Variants in SPATC1L observed in about 807,000 individuals in gnomAD.
The protein encoded by SPATC1L is speriolin-like protein.
A neutral mutation model predicts 21.2 loss-of-function variants in SPATC1L; 20 were observed. That is an observed-to-expected ratio of 0.94 (90% CI 0.66 to 1.37). SPATC1L has a LOEUF of 1.37. SPATC1L is among the 40% of genes most tolerant of loss of function. SPATC1L has a pLI of 0.00. For missense variants in SPATC1L, 499 were observed against 478.7 expected, an observed-to-expected ratio of 1.04 and a Z score of -0.40; for synonymous variants, 290 against 234.5, an observed-to-expected ratio of 1.24 and a Z score of -2.16.
At position 46,161,626 on chromosome 21, in the gene SPATC1L, G is replaced by A. The variant is rs762711708; in HGVS notation, c.776C>T (p.Ala259Val). The change falls in exon 5 of 5, where the codon GCG becomes GTG. Residue 259 changes from alanine to valine, a missense_variant. By Grantham distance (64) the Ala-to-Val change is moderately conservative. Coordinates refer to ENST00000291672, the MANE Select transcript of SPATC1L (RefSeq NM_001142854.2). ...GCTGTAGCCCAGCTTCTCCAGGCGC[G>A]CGCTCAGGGCCAGGTAGCGCTGCGT... The part of the protein sequence containing the change: ...ELTQRYLALS[A>V]RLEKLGYSRD... The A allele has an allele frequency of 1.1e-5, 17 of 1,610,224 alleles. No individual in the cohort carries two copies. In the South Asian group the frequency reaches 1.1e-4, roughly 10 times the overall value.
intron 3 of SPATC1L, among the ~76,000 whole-genome samples, chr21:46,167,910 A>G (rs1262229689): frequency 6.6e-6 from 1 of 152,224 alleles, no homozygotes; most frequent in African/African-American, 2.4e-5. Context: ...CTTAAACTGA[A>G]CATAAAAAGC....
chr21:46,171,479 T>C (rs1345723592), intron 2 of SPATC1L, among the ~76,000 whole-genome samples: 1 of 150,548 alleles, frequency 6.6e-6, no homozygotes, highest in African/African-American at 2.4e-5. Context: ...ATCTTCCCTC[T>C]GAAATGTTTT....
intron 3 of SPATC1L, among the ~76,000 whole-genome samples, chr21:46,168,072 T>C (rs9977392): frequency 0.094 from 14,329 of 152,116 alleles, 1,117 homozygotes; most frequent in African/African-American, 0.22. Flanking sequence ...TCCAGACACA[T>C]AAAGAACTCT....
rs1031142318 is a variant in SPATC1L at position 46,168,403 on chromosome 21, A to C, written c.449T>G (p.Leu150Arg). 1 of 1,612,938 alleles carries C rather than the reference A, an allele frequency of 6.2e-7. No homozygotes were observed. The highest frequency in any genetic ancestry group is 1.3e-5 in the African/African-American group (1 of 74,878). Residue 150 changes from leucine (L) to arginine (R), a missense_variant, in exon 3 of 5, where the codon CTG becomes CGG. Physicochemically the swap from Leu to Arg is moderately radical, Grantham distance 102. Transcript: ENST00000291672. The part of the protein sequence containing the change: ...LQDSLVDKTL[L>R]EPREMVRPKK... ...AGGCCGGACCATCTCCCTGGGCTCCAGCAGGGTCTTGTCCACCAGTGAGTC... is the reference window on the plus strand; with the variant it reads ...AGGCCGGACCATCTCCCTGGGCTCCCGCAGGGTCTTGTCCACCAGTGAGTC...
Position 46,182,988 on chromosome 21 carries a change from G to C in SPATC1L, c.-172C>G, listed in dbSNP as rs2079688171. The C allele has an allele frequency of 1.3e-5, 9 of 701,958 alleles. No homozygotes were observed. Among genetic ancestry groups the C allele is most frequent in the Non-Finnish European group, 1.8e-5 (8 of 452,434 alleles). The allele number at this position is 701,958 out of a possible 1,614,324, so 43.5% of individuals were successfully genotyped here. A position where few individuals can be genotyped will look rare whatever the true frequency, so the allele number is the denominator to read the frequency against. ...TGATGAGGTGCCCAGCACCCTGCCTGCCCCCGCGATGGCTCATGGCCCCGT... is the reference window on the plus strand; with the variant it reads ...TGATGAGGTGCCCAGCACCCTGCCTCCCCCCGCGATGGCTCATGGCCCCGT... On this transcript the variant is annotated 5_prime_UTR_variant, in exon 2 of 5. Transcript: ENST00000291672.
At chr21:46,180,050 C>T (rs1249130288) in intron 2 of SPATC1L, among the ~76,000 whole-genome samples, 1 of 152,110 alleles carries the variant, frequency 6.6e-6, no homozygotes, top group Non-Finnish European at 1.5e-5. Context: ...TGCACACAGC[C>T]TTTGACCCGA....
intron 2 of SPATC1L, among the ~76,000 whole-genome samples, chr21:46,170,762 C>A (rs2079581849): frequency 7.7e-6 from 1 of 129,080 alleles, no homozygotes; most frequent in African/African-American, 3.5e-5. Flanking sequence ...GAGCCTCCTG[C>A]TCTGTGAACA....
intron 2 of SPATC1L, among the ~76,000 whole-genome samples, chr21:46,171,225 T>A (rs76045843): frequency 0.051 from 7,806 of 152,340 alleles, 607 homozygotes; most frequent in African/African-American, 0.17. Context: ...CAAATTTAGC[T>A]TATCTATGCC....
At chr21:46,168,212 G>A (rs1464557672) in intron 3 of SPATC1L, 96 bp downstream of exon 3, 6 of 773,482 alleles carry the variant, frequency 7.8e-6, no homozygotes, top group Non-Finnish European at 1.2e-5. Context: ...GTGACTGGAT[G>A]GAGAAACGGC....
chr21:46,183,162 G>C lies in SPATC1L; in HGVS notation c.-346C>G, dbSNP rs988979251. On this transcript the variant is annotated 5_prime_UTR_variant, in exon 2 of 5. Transcript: ENST00000291672. ...CGTCCAAGCCACTCCCCATTGAGCGGCCCAGCCAGGGTCGGGTGTCCACCC... is the reference window on the plus strand; with the variant it reads ...CGTCCAAGCCACTCCCCATTGAGCGCCCCAGCCAGGGTCGGGTGTCCACCC... 2.3e-5 allele frequency: 7 copies of C among 308,672 alleles called. No individual in the cohort carries two copies. The highest frequency in any genetic ancestry group is 3.6e-5 in the Non-Finnish European group (6 of 166,846). The allele number at this position is 308,672 out of a possible 1,614,324, so 19.1% of individuals were successfully genotyped here.
At chr21:46,184,143 G>A (rs145516731) in intron 1 of SPATC1L, among the ~76,000 whole-genome samples, 37 of 152,268 alleles carry the variant, frequency 2.4e-4, no homozygotes, top group Non-Finnish European at 4.3e-4. Context: ...GACCACGAGC[G>A]CCCGTGTCTA....
rs975072941 is a variant in SPATC1L, at chr21:46,168,659, C to T, written c.194-1G>A. The T allele has an allele frequency of 5.9e-6, 8 of 1,358,700 alleles. No individual in the cohort carries two copies. Among genetic ancestry groups the T allele is most frequent in the Non-Finnish European group, 5.8e-6 (6 of 1,043,194 alleles). The allele number at this position is 1,358,700 out of a possible 1,614,324, so 84.2% of individuals were successfully genotyped here. A position where few individuals can be genotyped will look rare whatever the true frequency, so the allele number is the denominator to read the frequency against. ...CTCGTGAACCTTCCGAAATCTGGAA[C>T]TGAGGCGGGGAGGAAAGGGATGAGA... On this transcript the variant is annotated splice_acceptor_variant, in intron 2 of 4. Coordinates refer to ENST00000291672, the MANE Select transcript of SPATC1L (RefSeq NM_001142854.2). LOFTEE classifies it high-confidence loss of function.
At chr21:46,172,302 G>A (rs377388270) in intron 2 of SPATC1L, among the ~76,000 whole-genome samples, 65 of 152,258 alleles carry the variant, frequency 4.3e-4, no homozygotes, top group African/African-American at 1.2e-3. Flanking sequence ...AGCACGAGGC[G>A]GTGGGGTGGA....
At chr21:46,175,000 A>T (rs2079622393) in intron 2 of SPATC1L, among the ~76,000 whole-genome samples, 1 of 152,250 alleles carries the variant, frequency 6.6e-6, no homozygotes. Context: ...ATCAAGCCTA[A>T]AAAATTCACT....
chr21:46,167,162 C>T (rs11910988), intron 3 of SPATC1L, among the ~76,000 whole-genome samples: 16,376 of 152,164 alleles, frequency 0.11, 1,211 homozygotes, highest in African/African-American at 0.2. Context: ...ACAATACGCT[C>T]CTGGATGGCC....
chr21:46,179,447 T>C (rs2079655843), intron 2 of SPATC1L, among the ~76,000 whole-genome samples: 1 of 152,076 alleles, frequency 6.6e-6, no homozygotes. Context: ...TAAAAATTCT[T>C]AAAACCTTTT....
rs1295835361 is a variant in SPATC1L at position 46,182,742 on chromosome 21, C to T, written c.75G>A (p.Leu25=). ...GCCGCCGCAGCATCTGATTCTCCTT[C>T]AGGAGGCGCACCTGCTTCTTCAGGT... is the stretch of plus-strand genomic sequence containing the variant. The part of the protein sequence containing the change: ...NADLKKQVRL[L]KENQMLRRLL... The change falls in exon 2 of 5, where the codon CTG becomes CTA. Residue 25 remains leucine (L), a synonymous_variant. Coordinates refer to ENST00000291672, the MANE Select transcript of SPATC1L (RefSeq NM_001142854.2). The T allele has an allele frequency of 1.4e-5, 21 of 1,548,074 alleles. No individual in the cohort carries two copies. Among genetic ancestry groups the T allele is most frequent in the Non-Finnish European group, 1.7e-5 (20 of 1,146,686 alleles).
chr21:46,179,269 G>A (rs1321656041), intron 2 of SPATC1L, among the ~76,000 whole-genome samples: 2 of 151,818 alleles, frequency 1.3e-5, no homozygotes, highest in Non-Finnish European at 2.9e-5. Flanking sequence ...TAATGGGCCA[G>A]GCACGGTGGC....
intron 4 of SPATC1L, 67 bp from the exon 5 acceptor site, chr21:46,161,772 G>A: frequency 6.7e-7 from 1 of 1,492,170 alleles, no homozygotes. Flanking sequence ...TCCAGGCCCA[G>A]GGCCGATCCC....
Sources: gnomAD v4.1 joint callset for allele counts (sites outside exome capture counted in the v4.1 genomes callset) on GRCh38, gnomAD v4.1.1 for gene constraint, MANE v1.5 for transcripts, NCBI Gene and HGNC (gene_info 2026-07-23, HGNC 2026-07-21) for gene names.